The following CSMD1 variants were observed in gnomAD, a reference collection of about 807,000 sequenced individuals.
CSMD1 encodes the protein CUB and sushi domain-containing protein 1.
A neutral mutation model predicts 417.5 loss-of-function variants in CSMD1; 213 were observed. That is an observed-to-expected ratio of 0.51 (90% CI 0.46 to 0.57). The LOEUF (loss-of-function observed/expected upper bound fraction) is 0.57, where lower values mean the gene tolerates loss of function less well. Among genes scored for constraint, CSMD1 ranks in the 20% least tolerant of loss-of-function variants. The pLI, the probability that CSMD1 is intolerant of heterozygous loss-of-function variation, is 0.00. For synonymous variants in CSMD1, 2,862 were observed against 1,736.8 expected (o/e 1.65, Z -16.11); for missense variants, 6,923 against 4,529.7 (o/e 1.53, Z -15.17).
At chr8:4,189,624 T>TA (rs1793433456) in intron 3 of CSMD1, among the ~76,000 whole-genome samples, 1 of 152,174 alleles carries the variant, frequency 6.6e-6, no homozygotes. Context: ...CAAAGACCCC[T>TA]AGCAAAGACC....
chr8:4,099,449 T>A (rs997986525), intron 3 of CSMD1, among the ~76,000 whole-genome samples: 2 of 152,108 alleles, frequency 1.3e-5, no homozygotes, highest in African/African-American at 2.4e-5. Context: ...TAATACACCA[T>A]TCCTAAGCCT....
chr8:4,079,321 G>A (rs560019915), intron 3 of CSMD1, among the ~76,000 whole-genome samples: 2 of 152,266 alleles, frequency 1.3e-5, no homozygotes, highest in African/African-American at 2.4e-5. Flanking sequence ...ACTAGGCAAT[G>A]TCTGCATCCC....
At chr8:3,607,249 T>C (rs923809148) in intron 8 of CSMD1, among the ~76,000 whole-genome samples, 2 of 152,134 alleles carry the variant, frequency 1.3e-5, no homozygotes, top group Non-Finnish European at 2.9e-5. Flanking sequence ...CTCCACAGCT[T>C]GTCCCACTGG....
At chr8:4,235,352 C>T (rs1053389649) in intron 3 of CSMD1, among the ~76,000 whole-genome samples, 3 of 127,132 alleles carry the variant, frequency 2.4e-5, no homozygotes, top group East Asian at 2.0e-4. Context: ...AATCAAAAGA[C>T]GTGTTTTGTT....
intron 37 of CSMD1, among the ~76,000 whole-genome samples, chr8:3,163,648 A>G (rs1820032736): frequency 6.6e-6 from 1 of 152,182 alleles, no homozygotes; most frequent in East Asian, 1.9e-4. Context: ...GTGCAAAGAT[A>G]AAATGATTAA....
At chr8:4,101,657 T>G (rs17332525) in intron 3 of CSMD1, among the ~76,000 whole-genome samples, 1 of 152,146 alleles carries the variant, frequency 6.6e-6, no homozygotes, top group Non-Finnish European at 1.5e-5. Flanking sequence ...TCTTTCCAAA[T>G]AGAATGTTGA....
chr8:4,117,812 G>C (rs1033900097), intron 3 of CSMD1, among the ~76,000 whole-genome samples: 2 of 152,144 alleles, frequency 1.3e-5, no homozygotes, highest in African/African-American at 2.4e-5. Context: ...TATCCTAGAG[G>C]ACACCTAGTT....
intron 10 of CSMD1, among the ~76,000 whole-genome samples, chr8:3,507,701 C>T (rs563663758): frequency 1.3e-5 from 2 of 152,302 alleles, no homozygotes; most frequent in Non-Finnish European, 2.9e-5. Flanking sequence ...GCCATTCTAA[C>T]TGGTATGAGA....
At chr8:4,090,124 C>G (rs1172000294) in intron 3 of CSMD1, among the ~76,000 whole-genome samples, 2 of 152,196 alleles carry the variant, frequency 1.3e-5, no homozygotes, top group African/African-American at 4.8e-5. Flanking sequence ...ACTCTGGAAG[C>G]TCATCATTAA....
intron 1 of CSMD1, among the ~76,000 whole-genome samples, chr8:4,928,502 A>AGCCTCTTCTGTTTCTT (rs1807026731): frequency 6.6e-6 from 1 of 152,194 alleles, no homozygotes; most frequent in Non-Finnish European, 1.5e-5. Flanking sequence ...AGCCTGAGCA[A>AGCCTCTTCTGTTTCTT]GTTACTGGCC....
rs1236204388 is a variant in CSMD1, at chr8:4,510,128, C to T, written c.303-90063G>A. Among the ~76,000 whole-genome samples the T allele has an allele frequency of 5.3e-5, 8 of 152,016 alleles. No individual in the cohort carries two copies. The East Asian group carries it at 1.6e-3, about 30-fold the overall frequency. Reference sequence around the variant, plus strand: ...TCTGATGGTTGTATAAAGGGGAGTTCTCCTTCACACGCTCCCTTTGCCTGC... The same window carrying T: ...TCTGATGGTTGTATAAAGGGGAGTTTTCCTTCACACGCTCCCTTTGCCTGC... On this transcript the variant is annotated intron_variant, in intron 2 of 69. Transcript: ENST00000635120.
intron 3 of CSMD1, among the ~76,000 whole-genome samples, chr8:4,076,806 C>A (rs776595962): frequency 1.3e-5 from 2 of 152,140 alleles, no homozygotes; most frequent in Admixed American, 1.3e-4. Flanking sequence ...TACACCATCA[C>A]GCAAGGCCAG....
intron 1 of CSMD1, among the ~76,000 whole-genome samples, chr8:4,726,162 A>G (rs1047678428): frequency 6.6e-6 from 1 of 152,110 alleles, no homozygotes; most frequent in African/African-American, 2.4e-5. Context: ...AGATGAATAC[A>G]AAACCTACAG....
intron 2 of CSMD1, among the ~76,000 whole-genome samples, chr8:4,560,707 G>A (rs910722329): frequency 2.6e-5 from 4 of 152,086 alleles, no homozygotes; most frequent in African/African-American, 9.7e-5. Context: ...TTTGTTAGTC[G>A]ACAACACTGT....
chr8:4,163,536 G>C (rs1435926453), intron 3 of CSMD1, among the ~76,000 whole-genome samples: 3 of 152,078 alleles, frequency 2.0e-5, no homozygotes, highest in East Asian at 1.9e-4. Context: ...TTAATATTAG[G>C]TAAAGCTACA....
At chr8:3,422,668 A>AT (rs1458810098) in intron 12 of CSMD1, among the ~76,000 whole-genome samples, 1 of 152,148 alleles carries the variant, frequency 6.6e-6, no homozygotes, top group East Asian at 1.9e-4. Context: ...TTTTCGATGC[A>AT]TTTTTCTGAT....
At chr8:3,426,040 C>T (rs1482124284) in intron 12 of CSMD1, among the ~76,000 whole-genome samples, 1 of 152,120 alleles carries the variant, frequency 6.6e-6, no homozygotes, top group Non-Finnish European at 1.5e-5. Context: ...AAATCTGTGC[C>T]AATCTGAAAA....
In CSMD1 at chr8:4,218,194, C is replaced by G. The variant is rs1463783996; in HGVS notation, c.416-186095G>C. Among the ~76,000 whole-genome samples the G allele has an allele frequency of 3.9e-5, 6 of 152,276 alleles. No homozygotes were observed. In the East Asian group the frequency reaches 9.6e-4, roughly 24 times the overall value. ...AACACTAGTTATAAATTCCTAATCA[C>G]TCTTGTTGGCACTTTGCTCATTTCA... On this transcript the variant is annotated intron_variant, in intron 3 of 69. Transcript: ENST00000635120.
chr8:3,820,348 G>C (rs779754425), intron 5 of CSMD1, among the ~76,000 whole-genome samples: 1 of 152,130 alleles, frequency 6.6e-6, no homozygotes. Flanking sequence ...TATGGTGTTT[G>C]AACTGGGATA....
Sources: allele counts gnomAD v4.1 joint callset (sites outside exome capture counted in the v4.1 genomes callset), GRCh38; gene constraint gnomAD v4.1.1; transcripts MANE v1.5; gene names NCBI Gene and HGNC (gene_info 2026-07-23, HGNC 2026-07-21).